The following CD302 variants were observed in gnomAD, a reference collection of about 807,000 sequenced individuals.
CD302 encodes CD302 molecule, also known as CD302 antigen.
Under a neutral mutation model 26.5 loss-of-function variants are expected in CD302, and 23 were observed. The ratio of observed to expected loss-of-function variants is 0.87; its 90% CI spans 0.62 to 1.23. The LOEUF (loss-of-function observed/expected upper bound fraction) is 1.23. CD302 is among the 50% of genes most tolerant of loss of function. The pLI, the probability that CD302 is intolerant of heterozygous loss-of-function variation, is 0.00. For synonymous variants in CD302, 90 were observed against 99.4 expected (o/e 0.91, Z 0.56); for missense variants, 290 against 275.5 (o/e 1.05, Z -0.37).
intron 5 of CD302, among the ~76,000 whole-genome samples, chr2:159,777,509 T>C (rs1045514773): frequency 6.6e-6 from 1 of 152,194 alleles, no homozygotes. Flanking sequence ...CTTTCTACTT[T>C]CTAGAATATA....
At chr2:159,789,264 A>C (rs1708745625) in intron 1 of CD302, among the ~76,000 whole-genome samples, 1 of 152,052 alleles carries the variant, frequency 6.6e-6, no homozygotes, top group African/African-American at 2.4e-5. Context: ...GGCCTCCCAA[A>C]GTGCTGGGAT....
In CD302 at chr2:159,771,108, T is replaced by G. The variant is rs1025146067; in HGVS notation, c.*743A>C. 3 of 152,128 alleles carry G rather than the reference T, an allele frequency of 2.0e-5. No homozygotes were observed. The highest frequency in any genetic ancestry group is 7.2e-5 in the African/African-American group (3 of 41,426). 9.4% of individuals were successfully genotyped at this position (152,128 alleles called of 1,614,324 possible). On this transcript the variant is annotated 3_prime_UTR_variant, in exon 6 of 6. Coordinates refer to ENST00000259053, the MANE Select transcript of CD302 (RefSeq NM_014880.5). Reference sequence around the variant, plus strand: ...ATTGAAGGAAAAATTTATAAATGCTTGAGGAGAATGAGATACATCTTGTAT... The same window carrying G: ...ATTGAAGGAAAAATTTATAAATGCTGGAGGAGAATGAGATACATCTTGTAT...
At chr2:159,789,529 A>G (rs1378966840) in intron 1 of CD302, among the ~76,000 whole-genome samples, 1 of 146,962 alleles carries the variant, frequency 6.8e-6, no homozygotes, top group East Asian at 1.9e-4. Context: ...CTACTCTCCT[A>G]CCCTGCACCC....
At chr2:159,777,720 A>T (rs944073301) in intron 5 of CD302, among the ~76,000 whole-genome samples, 1 of 152,202 alleles carries the variant, frequency 6.6e-6, no homozygotes, top group African/African-American at 2.4e-5. Flanking sequence ...AATCTAAAAA[A>T]ATATTCCCGA....
intron 5 of CD302, among the ~76,000 whole-genome samples, chr2:159,777,188 CTG>C (rs2125796413): frequency 6.6e-6 from 1 of 152,330 alleles, no homozygotes; most frequent in East Asian, 1.9e-4. Flanking sequence ...GAGGTCAAGA[CTG>C]CGGTGAGTCA....
chr2:159,779,612 G>GA (rs2125799909), intron 4 of CD302, among the ~76,000 whole-genome samples: 1 of 148,844 alleles, frequency 6.7e-6, no homozygotes, highest in East Asian at 2.0e-4. Context: ...AATATATTCT[G>GA]AAGTCTTATT....
chr2:159,795,222 C>T (rs1474721546), intron 1 of CD302, among the ~76,000 whole-genome samples: 3 of 141,482 alleles, frequency 2.1e-5, no homozygotes, highest in East Asian at 4.1e-4. Flanking sequence ...GACTCCATCT[C>T]GGAAAAAAAA....
intron 1 of CD302, among the ~76,000 whole-genome samples, chr2:159,793,916 T>G (rs114105714): frequency 2.1e-3 from 319 of 152,232 alleles, no homozygotes; most frequent in Admixed American, 4.1e-3. Flanking sequence ...CCTTTCTCTT[T>G]GGGCATCACT....
In CD302 at chr2:159,770,939, T is replaced by C. The variant is rs1267127386; in HGVS notation, c.*912A>G. ...TTGATGGTGAGGAAAATTACTCGTTTCAGCTTTTTCATTTTTTTACTCCCC... is the reference window on the plus strand; with the variant it reads ...TTGATGGTGAGGAAAATTACTCGTTCCAGCTTTTTCATTTTTTTACTCCCC... On this transcript the variant is annotated 3_prime_UTR_variant, in exon 6 of 6. Coordinates refer to ENST00000259053, the MANE Select transcript of CD302 (RefSeq NM_014880.5). 6.6e-6 allele frequency: 1 copy of C among 152,204 alleles called. No individual in the cohort carries two copies. The highest frequency in any genetic ancestry group is 1.5e-5 in the Non-Finnish European group (1 of 68,010). The allele number at this position is 152,204 out of a possible 1,614,324, so 9.4% of individuals were successfully genotyped here.
At chr2:159,792,668 T>G (rs1708839897) in intron 1 of CD302, among the ~76,000 whole-genome samples, 1 of 152,162 alleles carries the variant, frequency 6.6e-6, no homozygotes, top group African/African-American at 2.4e-5. Context: ...TACGATTTTT[T>G]GACTTCACAA....
At chr2:159,795,484 TC>T (rs1172431985) in intron 1 of CD302, among the ~76,000 whole-genome samples, 3 of 152,202 alleles carry the variant, frequency 2.0e-5, no homozygotes, top group Non-Finnish European at 4.4e-5. Flanking sequence ...GGAGCTTCTT[TC>T]CCCTGGTAAG....
At chr2:159,782,543 G>A (rs1422955173) in intron 2 of CD302, among the ~76,000 whole-genome samples, 1 of 151,684 alleles carries the variant, frequency 6.6e-6, no homozygotes, top group Admixed American at 6.6e-5. Flanking sequence ...GACCAGCCTG[G>A]GCAACATAGT....
At chr2:159,774,657 A>G (rs115975166) in intron 5 of CD302, among the ~76,000 whole-genome samples, 2,130 of 152,220 alleles carry the variant, frequency 0.014, 17 homozygotes, top group Non-Finnish European at 0.021. Flanking sequence ...CCTGATGTCT[A>G]CTTATCCTTG....
chr2:159,776,012 C>CTTGTTTTTTTTTTTTT (rs1708310444), intron 5 of CD302, among the ~76,000 whole-genome samples: 1 of 81,252 alleles, frequency 1.2e-5, no homozygotes, highest in Non-Finnish European at 2.3e-5. Flanking sequence ...CGGGTTTCAA[C>CTTGTTTTTTTTTTTTT]TTTTTTTTTT....
At position 159,768,752 on chromosome 2, in the gene CD302, A is replaced by T. The variant is rs1708032645; in HGVS notation, c.*3099T>A. The T allele has an allele frequency of 1.3e-5, 2 of 152,344 alleles. No homozygotes were observed. Among genetic ancestry groups the T allele is most frequent in the African/African-American group, 4.8e-5 (2 of 41,454 alleles). The allele number at this position is 152,344 out of a possible 1,614,324, so 9.4% of individuals were successfully genotyped here. On this transcript the variant is annotated 3_prime_UTR_variant, in exon 6 of 6. Coordinates refer to ENST00000259053, the MANE Select transcript of CD302 (RefSeq NM_014880.5). Reference sequence around the variant, plus strand: ...TGTCTGTCTTAAAGCAAAAATATAAAATTTAAGGGTGGTAGTTTTAATATA... The same window carrying T: ...TGTCTGTCTTAAAGCAAAAATATAATATTTAAGGGTGGTAGTTTTAATATA...
At chr2:159,789,760 G>C (rs1310234486) in intron 1 of CD302, among the ~76,000 whole-genome samples, 1 of 152,098 alleles carries the variant, frequency 6.6e-6, no homozygotes, top group Non-Finnish European at 1.5e-5. Context: ...ATATTAACTA[G>C]AGCCACCTCC....
intron 1 of CD302, among the ~76,000 whole-genome samples, chr2:159,793,866 A>G (rs1708872412): frequency 6.6e-6 from 1 of 152,112 alleles, no homozygotes; most frequent in Non-Finnish European, 1.5e-5. Flanking sequence ...GGCTGTTATA[A>G]TGTATATTCA....
rs937642474 is a variant in CD302, at chr2:159,770,528, G to C, written c.*1323C>G. The C allele has an allele frequency of 6.6e-6, 1 of 152,154 alleles. No homozygotes were observed. 9.4% of individuals were successfully genotyped at this position (152,154 alleles called of 1,614,324 possible). On this transcript the variant is annotated 3_prime_UTR_variant, in exon 6 of 6. Coordinates refer to ENST00000259053, the MANE Select transcript of CD302 (RefSeq NM_014880.5). ...GATAGTATATCTATCTATCTCCCCA[G>C]AAGAAAGTAAGATAATTGATGGGGT...
At chr2:159,798,056 G>C in intron 1 of CD302, 76 bp downstream of exon 1, 1 of 1,377,434 alleles carries the variant, frequency 7.3e-7, no homozygotes, top group Admixed American at 2.3e-5. Context: ...GGGTGCGCGG[G>C]GACGAAGAGC....
Sources: gnomAD v4.1 joint callset for allele counts (sites outside exome capture counted in the v4.1 genomes callset) on GRCh38, gnomAD v4.1.1 for gene constraint, MANE v1.5 for transcripts, NCBI Gene and HGNC (gene_info 2026-07-23, HGNC 2026-07-21) for gene names.